The following STAG1 variants were observed in gnomAD, a reference collection of about 807,000 sequenced individuals.
The protein encoded by STAG1 is cohesin subunit SA-1.
Under a neutral mutation model 170.9 loss-of-function variants are expected in STAG1, and 26 were observed. That is an observed-to-expected ratio of 0.15 (90% CI 0.11 to 0.21). The LOEUF (loss-of-function observed/expected upper bound fraction) is 0.21. Among genes scored for constraint, STAG1 ranks in the 10% least tolerant of loss-of-function variants. The pLI, the probability that STAG1 is intolerant of heterozygous loss-of-function variation, is 1.00. For synonymous variants in STAG1, 514 were observed against 497.7 expected (o/e 1.03, Z -0.44); for missense variants, 964 against 1,509.5 (o/e 0.64, Z 5.99).
chr3:136,703,749 C>T (rs1943144206), intron 1 of STAG1, among the ~76,000 whole-genome samples: 3 of 152,012 alleles, frequency 2.0e-5, no homozygotes, highest in South Asian at 2.1e-4. Context: ...GTGGCTTATA[C>T]CTGGAATCCC....
At chr3:136,562,416 ACGCC>A (rs909883185) in intron 5 of STAG1, among the ~76,000 whole-genome samples, 1 of 151,054 alleles carries the variant, frequency 6.6e-6, no homozygotes, top group African/African-American at 2.4e-5. Context: ...ACCCACCACC[ACGCC>A]CGGCTAATTT....
intron 15 of STAG1, among the ~76,000 whole-genome samples, chr3:136,437,943 A>G (rs1255726020): frequency 1.3e-5 from 2 of 152,224 alleles, no homozygotes; most frequent in African/African-American, 4.8e-5. Context: ...AATGTTTATG[A>G]AAGGGATTTT....
At chr3:136,566,359 G>A (rs1937076673) in intron 5 of STAG1, among the ~76,000 whole-genome samples, 1 of 152,204 alleles carries the variant, frequency 6.6e-6, no homozygotes, top group African/African-American at 2.4e-5. Flanking sequence ...ACAAGAACCA[G>A]ACGATATTGA....
intron 13 of STAG1, among the ~76,000 whole-genome samples, chr3:136,463,184 A>G (rs1204008404): frequency 6.6e-6 from 1 of 152,228 alleles, no homozygotes; most frequent in Non-Finnish European, 1.5e-5. Context: ...TCATGCCTGA[A>G]AACCTTGACT....
At chr3:136,629,744 T>C (rs1940252305) in intron 2 of STAG1, among the ~76,000 whole-genome samples, 1 of 152,144 alleles carries the variant, frequency 6.6e-6, no homozygotes, top group African/African-American at 2.4e-5. Context: ...GTAGTAATAA[T>C]ATATAAATAA....
At chr3:136,469,521 G>C (rs1265794020) in intron 12 of STAG1, among the ~76,000 whole-genome samples, 6 of 152,218 alleles carry the variant, frequency 3.9e-5, no homozygotes, top group Non-Finnish European at 7.3e-5. Context: ...CATGCTCATG[G>C]ATAGGAATAA....
At chr3:136,566,851 T>C (rs1277713189) in intron 5 of STAG1, among the ~76,000 whole-genome samples, 5 of 152,200 alleles carry the variant, frequency 3.3e-5, no homozygotes, top group African/African-American at 1.2e-4. Context: ...GGTCTTTTAA[T>C]AGAAGTCTAG....
At chr3:136,681,136 T>C (rs1429536730) in intron 1 of STAG1, among the ~76,000 whole-genome samples, 1 of 152,184 alleles carries the variant, frequency 6.6e-6, no homozygotes, top group African/African-American at 2.4e-5. Context: ...TTCCCCAAAA[T>C]ATTTTCTACC....
chr3:136,549,731 T>C (rs776078659), intron 5 of STAG1, among the ~76,000 whole-genome samples: 4 of 151,266 alleles, frequency 2.6e-5, no homozygotes, highest in Non-Finnish European at 5.9e-5. Context: ...GTGGTGAGAG[T>C]GGGCATCCTC....
At chr3:136,419,020 T>C (rs1296525878) in intron 20 of STAG1, among the ~76,000 whole-genome samples, 2 of 152,112 alleles carry the variant, frequency 1.3e-5, no homozygotes, top group African/African-American at 4.8e-5. Flanking sequence ...GAGATTTGTA[T>C]TTTCAAAATG....
intron 7 of STAG1, among the ~76,000 whole-genome samples, chr3:136,512,104 A>T (rs1331865626): frequency 2.7e-5 from 4 of 150,116 alleles, no homozygotes; most frequent in South Asian, 2.1e-4. Context: ...AATAAAAAAA[A>T]AAAAAAAAAA....
intron 5 of STAG1, among the ~76,000 whole-genome samples, chr3:136,545,839 C>T (rs1234219081): frequency 1.3e-5 from 2 of 152,062 alleles, no homozygotes; most frequent in Non-Finnish European, 2.9e-5. Context: ...CTCTAGATGG[C>T]AGCCTTCACT....
intron 1 of STAG1, among the ~76,000 whole-genome samples, chr3:136,703,585 C>A (rs886718446): frequency 1.3e-5 from 2 of 152,178 alleles, no homozygotes; most frequent in Non-Finnish European, 2.9e-5. Flanking sequence ...AAGGATCTGA[C>A]AGGTCACTAG....
chr3:136,349,459 A>C, intron 28 of STAG1, 96 bp from the exon 29 acceptor site: 2 of 838,894 alleles, frequency 2.4e-6, no homozygotes, highest in Non-Finnish European at 3.9e-6. Flanking sequence ...GCAGGTTCTG[A>C]AGAATACCTA....
At chr3:136,555,835 A>C (rs1936593587) in intron 5 of STAG1, among the ~76,000 whole-genome samples, 1 of 145,756 alleles carries the variant, frequency 6.9e-6, no homozygotes, top group African/African-American at 2.6e-5. Flanking sequence ...AAATAATTCC[A>C]AAAAAAAAAC....
intron 5 of STAG1, among the ~76,000 whole-genome samples, chr3:136,554,960 C>T (rs1936548681): frequency 6.6e-6 from 1 of 151,562 alleles, no homozygotes; most frequent in Non-Finnish European, 1.5e-5. Flanking sequence ...CTAAATAATC[C>T]ATGTGTCAAG....
chr3:136,397,383 T>A (rs2087194704), intron 22 of STAG1, among the ~76,000 whole-genome samples: 1 of 152,244 alleles, frequency 6.6e-6, no homozygotes, highest in African/African-American at 2.4e-5. Flanking sequence ...ATATTTAGAT[T>A]TGATTCTGTT....
intron 15 of STAG1, among the ~76,000 whole-genome samples, chr3:136,440,830 A>C (rs1355186278): frequency 6.6e-6 from 1 of 151,870 alleles, no homozygotes; most frequent in Non-Finnish European, 1.5e-5. Flanking sequence ...TCTTTACTGA[A>C]AATACAAAAA....
intron 5 of STAG1, 79 bp downstream of exon 5, chr3:136,568,686 G>A (rs1937163311): frequency 9.9e-6 from 9 of 910,512 alleles, no homozygotes; most frequent in East Asian, 5.0e-5. Context: ...AATTATATAC[G>A]ACTAGTGGCA....
Sources: allele counts gnomAD v4.1 joint callset (sites outside exome capture counted in the v4.1 genomes callset), GRCh38; gene constraint gnomAD v4.1.1; transcripts MANE v1.5; gene names NCBI Gene and HGNC (gene_info 2026-07-23, HGNC 2026-07-21).